The following CTNNA2 variants were observed in gnomAD, a reference collection of about 807,000 sequenced individuals.
The protein encoded by CTNNA2 is catenin alpha-2.
Under a neutral mutation model 101.0 loss-of-function variants are expected in CTNNA2, and 42 were observed. That is an observed-to-expected ratio of 0.42 (90% CI 0.32 to 0.54). CTNNA2 has a LOEUF of 0.54. CTNNA2 is among the 20% of genes least tolerant of loss of function. The pLI is 0.14. For synonymous variants in CTNNA2, 450 were observed against 456.4 expected (o/e 0.99, Z 0.18); for missense variants, 871 against 1,223.1 (o/e 0.71, Z 4.29).
At chr2:80,042,891 T>G (rs1696161482) in intron 7 of CTNNA2, among the ~76,000 whole-genome samples, 1 of 152,156 alleles carries the variant, frequency 6.6e-6, no homozygotes, top group Admixed American at 6.5e-5. Flanking sequence ...AGGGTCAGTT[T>G]GAGACTGGGG....
At chr2:79,193,484 A>G (rs1673902465) in intron 1 of CTNNA2, among the ~76,000 whole-genome samples, 1 of 152,192 alleles carries the variant, frequency 6.6e-6, no homozygotes, top group Non-Finnish European at 1.5e-5. Context: ...ATGTACCCAA[A>G]GTATGTAGTA....
At chr2:79,808,279 A>G (rs1253600579) in intron 3 of CTNNA2, among the ~76,000 whole-genome samples, 2 of 152,158 alleles carry the variant, frequency 1.3e-5, no homozygotes, top group Non-Finnish European at 2.9e-5. Context: ...AGGGAGAAGG[A>G]GGAAGGACTA....
In CTNNA2 at chr2:80,589,336, G is replaced by A. The variant is rs1261716586; in HGVS notation, c.2040G>A (p.Lys680=). ...AIMAQLPQEE[K]AKIAEQVEIF... is the part of the protein sequence containing the mutation. ...TGGCGCAACTACCGCAGGAGGAGAA[G>A]GCAAAAATAGCTGAGCAGGTGGAGA... The change falls in exon 15 of 19, where the codon AAG becomes AAA. Residue 680 remains lysine, a synonymous_variant. Transcript: ENST00000402739. The A allele has an allele frequency of 6.2e-7, 1 of 1,614,078 alleles. No individual in the cohort carries two copies. The highest frequency in any genetic ancestry group is 8.5e-7 in the Non-Finnish European group (1 of 1,179,952).
At chr2:79,217,981 T>C (rs910243925) in intron 2 of CTNNA2, among the ~76,000 whole-genome samples, 1 of 152,230 alleles carries the variant, frequency 6.6e-6, no homozygotes, top group Non-Finnish European at 1.5e-5. Context: ...AGGTTGTTAA[T>C]TGAATGAACA....
chr2:80,237,938 T>C (rs943286311), intron 7 of CTNNA2, among the ~76,000 whole-genome samples: 2 of 151,914 alleles, frequency 1.3e-5, no homozygotes, highest in Admixed American at 6.6e-5. Flanking sequence ...GTGACAACTC[T>C]TCTTGGTCCA....
chr2:79,602,824 A>C (rs1368063935), intron 1 of CTNNA2, among the ~76,000 whole-genome samples: 1 of 152,156 alleles, frequency 6.6e-6, no homozygotes, highest in African/African-American at 2.4e-5. Context: ...TAAATAAATA[A>C]GGAATTTATA....
chr2:79,972,882 C>G (rs1158925185), intron 7 of CTNNA2, among the ~76,000 whole-genome samples: 2 of 152,124 alleles, frequency 1.3e-5, no homozygotes, highest in African/African-American at 2.4e-5. Context: ...CCCATCTAAG[C>G]TCGTAATTTT....
At chr2:79,930,290 GAAAGAGAAAGAA>G (rs1558650836) in intron 7 of CTNNA2, among the ~76,000 whole-genome samples, 3 of 70,836 alleles carry the variant, frequency 4.2e-5, no homozygotes, top group African/African-American at 1.4e-4. Context: ...GAGAGAGAGA[GAAAGAGAAAGAA>G]AGAAAGAAAG....
intron 1 of CTNNA2, 72 bp from the exon 2 acceptor site, chr2:79,651,480 C>T (rs1285354926): frequency 1.5e-6 from 2 of 1,373,922 alleles, no homozygotes; most frequent in African/African-American, 2.9e-5. Flanking sequence ...GTGATTTACC[C>T]ATTTTGAATC....
intron 4 of CTNNA2, among the ~76,000 whole-genome samples, chr2:79,406,087 G>C (rs569849611): frequency 1.3e-5 from 2 of 152,030 alleles, no homozygotes; most frequent in Non-Finnish European, 2.9e-5. Flanking sequence ...AGTTCAACAT[G>C]CTGCAAAAAT....
chr2:80,639,721 A>G (rs2149851413), intron 18 of CTNNA2, among the ~76,000 whole-genome samples: 1 of 152,300 alleles, frequency 6.6e-6, no homozygotes, highest in Admixed American at 6.5e-5. Flanking sequence ...TTAGCAACTC[A>G]TAATATGGTA....
At chr2:79,768,809 G>C (rs1673356727) in intron 3 of CTNNA2, among the ~76,000 whole-genome samples, 1 of 152,054 alleles carries the variant, frequency 6.6e-6, no homozygotes. Flanking sequence ...TAGCCAGTAA[G>C]AGTCCAGCTC....
At chr2:79,704,682 T>G (rs1203056127) in intron 2 of CTNNA2, among the ~76,000 whole-genome samples, 1 of 151,876 alleles carries the variant, frequency 6.6e-6, no homozygotes, top group African/African-American at 2.4e-5. Flanking sequence ...CTGGCTAATT[T>G]TTTTGTATTT....
At chr2:80,555,342 ATTC>A (rs1208679279) in intron 11 of CTNNA2, among the ~76,000 whole-genome samples, 1 of 152,188 alleles carries the variant, frequency 6.6e-6, no homozygotes, top group Non-Finnish European at 1.5e-5. Context: ...AGGAAGGGAT[ATTC>A]TTTAAGTCAG....
intron 3 of CTNNA2, among the ~76,000 whole-genome samples, chr2:79,813,446 G>A (rs1677209340): frequency 6.6e-6 from 1 of 152,188 alleles, no homozygotes; most frequent in Admixed American, 6.5e-5. Flanking sequence ...AAGTCTTATT[G>A]ATGAATTGAA....
At chr2:79,280,623 C>CTGTGTGTGTGTGTGTGTGTGTGTG (rs369268407) in intron 2 of CTNNA2, among the ~76,000 whole-genome samples, 6 of 129,196 alleles carry the variant, frequency 4.6e-5, no homozygotes, top group African/African-American at 1.8e-4. Flanking sequence ...ATCCTGTATG[C>CTGTGTGTGTGTGTGTGTGTGTGTG]TGTGTGTGTG....
intron 1 of CTNNA2, among the ~76,000 whole-genome samples, chr2:79,585,245 A>G (rs1318660414): frequency 6.6e-6 from 1 of 151,926 alleles, no homozygotes. Flanking sequence ...TAATGTTTGC[A>G]GTAGTTTTTC....
intron 4 of CTNNA2, among the ~76,000 whole-genome samples, chr2:79,486,118 C>G (rs890984427): frequency 6.6e-6 from 1 of 152,032 alleles, no homozygotes; most frequent in Non-Finnish European, 1.5e-5. Flanking sequence ...TACATGTGCA[C>G]AACGTGCAGG....
intron 18 of CTNNA2, among the ~76,000 whole-genome samples, chr2:80,632,942 A>ATCTCTTT (rs1672454275): frequency 6.6e-6 from 1 of 152,204 alleles, no homozygotes; most frequent in Non-Finnish European, 1.5e-5. Flanking sequence ...AAGAGATTAC[A>ATCTCTTT]GAGTGTCCAA....
Sources: allele counts gnomAD v4.1 joint callset (sites outside exome capture counted in the v4.1 genomes callset), GRCh38; gene constraint gnomAD v4.1.1; transcripts MANE v1.5; gene names NCBI Gene and HGNC (gene_info 2026-07-23, HGNC 2026-07-21).